Variants in FMR1NB observed in about 807,000 individuals in gnomAD.
The protein encoded by FMR1NB is FMR1 neighbor.
In FMR1NB, 10 loss-of-function variants were observed where a neutral mutation model predicts 16.8. The ratio of observed to expected loss-of-function variants is 0.60; its 90% CI spans 0.37 to 1.01. The LOEUF (loss-of-function observed/expected upper bound fraction) is 1.01. Among genes scored for constraint, FMR1NB ranks in the 50% least tolerant of loss-of-function variants. The probability of loss-of-function intolerance (pLI) is 0.01; values close to 1 mark genes in which losing one functional copy is unlikely to be tolerated. For missense variants in FMR1NB, 205 were observed against 204.8 expected (o/e 1.00, Z 0.00); for synonymous variants, 83 against 79.1 (o/e 1.05, Z -0.26).
At chrX:148,002,990 T>A (rs2124619879) in intron 1 of FMR1NB, among the ~76,000 whole-genome samples, 1 of 112,555 alleles carries the variant, frequency 8.9e-6, no homozygotes. Flanking sequence ...AGCCTATAGC[T>A]TAAGCATTTG....
chrX:147,996,039 T>C (rs2044539699), intron 1 of FMR1NB, among the ~76,000 whole-genome samples: 1 of 112,313 alleles, frequency 8.9e-6, no homozygotes. Flanking sequence ...TTGGTTATCT[T>C]AATGATACCA....
chrX:147,998,460 G>C (rs1362048608), intron 1 of FMR1NB, among the ~76,000 whole-genome samples: 1 of 111,492 alleles, frequency 9.0e-6, no homozygotes, highest in Non-Finnish European at 1.9e-5. Context: ...GTCAGGGGGT[G>C]GGGGGCTAGA....
intron 1 of FMR1NB, among the ~76,000 whole-genome samples, chrX:147,988,279 G>C (rs997089304): frequency 9.0e-6 from 1 of 110,839 alleles, no homozygotes; most frequent in Non-Finnish European, 1.9e-5. Context: ...GCTTAGTTTG[G>C]CTGGATATGA....
intron 1 of FMR1NB, among the ~76,000 whole-genome samples, chrX:147,981,959 C>T (rs1381177075): frequency 2.7e-5 from 3 of 111,503 alleles, no homozygotes; most frequent in Admixed American, 1.9e-4. Context: ...CCTCACTTCC[C>T]GCCACAAAAT....
intron 1 of FMR1NB, among the ~76,000 whole-genome samples, chrX:147,993,286 A>G (rs377200643): frequency 3.6e-5 from 4 of 112,128 alleles, no homozygotes; most frequent in African/African-American, 9.7e-5. Context: ...CGTGCCTGCA[A>G]TCGCAGGCAT....
chrX:148,011,233 T>C (rs1477777272), intron 4 of FMR1NB, among the ~76,000 whole-genome samples: 10 of 109,322 alleles, frequency 9.1e-5, no homozygotes, highest in African/African-American at 3.3e-4. Context: ...CACTGCACTC[T>C]AGCCTGGGCG....
intron 1 of FMR1NB, among the ~76,000 whole-genome samples, chrX:147,993,785 C>G (rs1557187950): frequency 9.1e-6 from 1 of 110,218 alleles, no homozygotes. Flanking sequence ...AAGTTCTTCT[C>G]CCCACTCAGG....
At position 148,013,537 on chromosome X, in the gene FMR1NB, C is replaced by T. The variant is rs140389546; in HGVS notation, c.632+4826C>T. 4.9e-3 allele frequency among the ~76,000 whole-genome samples: 549 copies of T among 112,133 alleles called. 2 individuals carry two copies. Among genetic ancestry groups the T allele is most frequent in the African/African-American group, 0.015 (471 of 30,909 alleles). On this transcript the variant is annotated intron_variant, in intron 4 of 5. Coordinates refer to ENST00000370467, the MANE Select transcript of FMR1NB (RefSeq NM_152578.3). ...TAGGAAGAACATTCTAAAAGATCTG[C>T]GTTCTCATTCTGCTTTCACCACGTT...
At chrX:148,017,514 T>C (rs1217457383) in intron 4 of FMR1NB, among the ~76,000 whole-genome samples, 1 of 110,913 alleles carries the variant, frequency 9.0e-6, no homozygotes, top group Admixed American at 9.6e-5. Flanking sequence ...GATTTGTCCT[T>C]TTGAGACTAT....
intron 4 of FMR1NB, among the ~76,000 whole-genome samples, chrX:148,018,732 C>T (rs2044663599): frequency 9.0e-6 from 1 of 110,979 alleles, no homozygotes; most frequent in African/African-American, 3.3e-5. Flanking sequence ...TAGAAGAAAA[C>T]CTAGGCATTA....
chrX:148,010,288 C>T (rs6626295), intron 4 of FMR1NB, among the ~76,000 whole-genome samples: 13,688 of 112,036 alleles, frequency 0.12, 884 homozygotes, highest in East Asian at 0.49. Context: ...TATGCTCCTT[C>T]GGTCATCTTG....
chrX:147,992,236 T>C (rs9662786), intron 1 of FMR1NB, among the ~76,000 whole-genome samples: 10,275 of 83,260 alleles, frequency 0.12, 949 homozygotes, highest in African/African-American at 0.33. Flanking sequence ...TAGGGGTGGC[T>C]GGGCAGAGGC....
chrX:148,019,591 A>G (rs1385149459), intron 4 of FMR1NB, among the ~76,000 whole-genome samples: 1 of 111,808 alleles, frequency 8.9e-6, no homozygotes, highest in Admixed American at 9.5e-5. Context: ...GAGTGTTGTG[A>G]TCTAAGCTGT....
chrX:147,997,781 A>G (rs1377904709), intron 1 of FMR1NB, among the ~76,000 whole-genome samples: 1 of 112,271 alleles, frequency 8.9e-6, no homozygotes, highest in Admixed American at 9.4e-5. Flanking sequence ...AAACCATCAA[A>G]AAGTGGGCAA....
At chrX:147,997,666 C>T (rs1358304349) in intron 1 of FMR1NB, among the ~76,000 whole-genome samples, 1 of 111,705 alleles carries the variant, frequency 9.0e-6, no homozygotes, top group Non-Finnish European at 1.9e-5. Flanking sequence ...TCGGAGTGAA[C>T]TGGCAACCTA....
chrX:147,982,675 C>G (rs1470065173), intron 1 of FMR1NB, among the ~76,000 whole-genome samples: 1 of 107,504 alleles, frequency 9.3e-6, no homozygotes, highest in African/African-American at 3.4e-5. Context: ...GGGTGGATCA[C>G]GAGGTCAGGA....
intron 4 of FMR1NB, among the ~76,000 whole-genome samples, chrX:148,019,937 G>A (rs2037101306): frequency 8.9e-6 from 1 of 111,990 alleles, no homozygotes; most frequent in Non-Finnish European, 1.9e-5. Context: ...CAAGGCACTG[G>A]GACTCTACAA....
At chrX:147,984,420 G>A (rs5904823) in intron 1 of FMR1NB, among the ~76,000 whole-genome samples, 16,357 of 111,560 alleles carry the variant, frequency 0.15, 1,634 homozygotes, top group African/African-American at 0.37. Context: ...TCAGTTTACA[G>A]GTCTTTAACT....
intron 5 of FMR1NB, chrX:148,026,182 A>G (rs993210363): frequency 9.0e-6 from 1 of 111,315 alleles, no homozygotes; most frequent in Non-Finnish European, 1.9e-5. Flanking sequence ...GTACACATGT[A>G]CACACACATA....
Sources: allele counts gnomAD v4.1 joint callset (sites outside exome capture counted in the v4.1 genomes callset), GRCh38; gene constraint gnomAD v4.1.1; transcripts MANE v1.5; gene names NCBI Gene and HGNC (gene_info 2026-07-23, HGNC 2026-07-21).